Variants in LINGO2 observed in about 807,000 individuals in gnomAD.
LINGO2 encodes the protein leucine rich repeat and Ig domain containing 2.
In LINGO2, 14 loss-of-function variants were observed where a neutral mutation model predicts 30.6. The ratio of observed to expected loss-of-function variants is 0.46; its 90% confidence interval spans 0.30 to 0.72. The LOEUF is 0.72. Ranked by LOEUF, LINGO2 falls within the 30% of genes least tolerant of loss-of-function variation. The pLI is 0.07. For missense variants in LINGO2, 729 were observed against 751.7 expected (o/e 0.97, Z 0.35); for synonymous variants, 317 against 288.5 (o/e 1.10, Z -1.00).
At chr9:28,277,832 C>CA (rs1460688287) in intron 4 of LINGO2, among the ~76,000 whole-genome samples, 2 of 93,730 alleles carry the variant, frequency 2.1e-5, no homozygotes, top group African/African-American at 1.2e-4. Flanking sequence ...CAAAACAAAA[C>CA]AAAACAAAAA....
At chr9:29,061,453 C>T in the LINGO2 span, among the ~76,000 whole-genome samples, 1 of 151,742 alleles carries the variant, frequency 6.6e-6, no homozygotes, top group South Asian at 2.1e-4. Context: ...CTACAGAAAT[C>T]AAAACAGTGT....
the LINGO2 span, among the ~76,000 whole-genome samples, chr9:28,685,616 C>A: frequency 2.6e-5 from 4 of 152,104 alleles, no homozygotes; most frequent in African/African-American, 9.7e-5. Context: ...ATGGGCCAGT[C>A]ATTATTTTTG....
intron 2 of LINGO2, among the ~76,000 whole-genome samples, chr9:28,467,998 T>A (rs1172453530): frequency 1.3e-5 from 2 of 152,264 alleles, no homozygotes; most frequent in African/African-American, 2.4e-5. Context: ...TAAAAACTTT[T>A]AAAAAATAAT....
chr9:28,677,032 T>C, the LINGO2 span, among the ~76,000 whole-genome samples: 1 of 152,172 alleles, frequency 6.6e-6, no homozygotes, highest in South Asian at 2.1e-4. Context: ...TAACGGTTAC[T>C]GAATGCTTTC....
At chr9:28,259,817 G>A (rs1822504595) in intron 4 of LINGO2, among the ~76,000 whole-genome samples, 1 of 151,870 alleles carries the variant, frequency 6.6e-6, no homozygotes, top group Admixed American at 6.6e-5. Context: ...CCAAAGGATA[G>A]GGGAGTCATT....
chr9:28,508,930 G>T (rs1820260319), intron 1 of LINGO2, among the ~76,000 whole-genome samples: 1 of 152,020 alleles, frequency 6.6e-6, no homozygotes, highest in South Asian at 2.1e-4. Context: ...GAGTGGTTGT[G>T]TGAACTACTT....
the LINGO2 span, among the ~76,000 whole-genome samples, chr9:29,196,441 A>T: frequency 3.9e-5 from 6 of 152,212 alleles, no homozygotes; most frequent in Admixed American, 1.3e-4. Context: ...AATATATGCA[A>T]CTTGAAGATT....
At chr9:28,635,639 T>A (rs1182706911) in intron 1 of LINGO2, among the ~76,000 whole-genome samples, 2 of 152,152 alleles carry the variant, frequency 1.3e-5, no homozygotes, top group Non-Finnish European at 2.9e-5. Context: ...AATTAATTAC[T>A]AAATAAGGTT....
the LINGO2 span, among the ~76,000 whole-genome samples, chr9:29,032,239 C>A: frequency 5.9e-5 from 9 of 152,064 alleles, no homozygotes; most frequent in African/African-American, 2.2e-4. Flanking sequence ...AAATTGAAGA[C>A]AAAGGAAAGT....
the LINGO2 span, among the ~76,000 whole-genome samples, chr9:28,798,665 C>G: frequency 6.6e-6 from 1 of 152,084 alleles, no homozygotes; most frequent in Non-Finnish European, 1.5e-5. Context: ...TGGAACTAGT[C>G]AATTTCAACA....
intron 4 of LINGO2, among the ~76,000 whole-genome samples, chr9:28,217,659 T>C (rs1403502442): frequency 6.6e-6 from 1 of 152,090 alleles, no homozygotes; most frequent in African/African-American, 2.4e-5. Context: ...CTTTATTGCC[T>C]TGATGTCCAA....
chr9:29,135,627 A>G, the LINGO2 span, among the ~76,000 whole-genome samples: 3 of 152,154 alleles, frequency 2.0e-5, no homozygotes, highest in Non-Finnish European at 4.4e-5. Flanking sequence ...TTAGACATTT[A>G]ACTTCTTTTA....
intron 4 of LINGO2, among the ~76,000 whole-genome samples, chr9:28,089,133 A>G (rs1225464759): frequency 6.6e-6 from 1 of 152,146 alleles, no homozygotes; most frequent in South Asian, 2.1e-4. Flanking sequence ...TTAACACACC[A>G]TTGTCAACAT....
At chr9:28,789,567 T>C in the LINGO2 span, among the ~76,000 whole-genome samples, 1 of 152,192 alleles carries the variant, frequency 6.6e-6, no homozygotes, top group Non-Finnish European at 1.5e-5. Flanking sequence ...TGGGTACCTG[T>C]TGCTAGTCAG....
At chr9:28,334,597 G>A (rs796566561) in intron 3 of LINGO2, among the ~76,000 whole-genome samples, 20 of 152,158 alleles carry the variant, frequency 1.3e-4, no homozygotes, top group East Asian at 5.8e-4. Flanking sequence ...AGTGTTTTCC[G>A]TAGAGAATGG....
chr9:28,862,548 G>A, the LINGO2 span, among the ~76,000 whole-genome samples: 15 of 152,140 alleles, frequency 9.9e-5, no homozygotes, highest in South Asian at 2.3e-3. Context: ...CAACCTTATA[G>A]AGCATATGCA....
intron 4 of LINGO2, among the ~76,000 whole-genome samples, chr9:28,293,020 C>T (rs1823790968): frequency 6.6e-6 from 1 of 152,142 alleles, no homozygotes; most frequent in Non-Finnish European, 1.5e-5. Context: ...GATCCGCCTG[C>T]CTTGGCCTCC....
the LINGO2 span, among the ~76,000 whole-genome samples, chr9:28,932,148 A>AAAATAAAATAAAATAAAATG: frequency 6.7e-6 from 1 of 149,042 alleles, no homozygotes; most frequent in South Asian, 2.1e-4. Flanking sequence ...AAAATAAAAT[A>AAAATAAAATAAAATAAAATG]AAATGAAAGG....
chr9:28,624,555 G>T (rs997829643), intron 1 of LINGO2, among the ~76,000 whole-genome samples: 1 of 151,486 alleles, frequency 6.6e-6, no homozygotes, highest in African/African-American at 2.4e-5. Flanking sequence ...TAAAAGTATT[G>T]TTGAATTTGG....
Sources: gnomAD v4.1 joint callset for allele counts (sites outside exome capture counted in the v4.1 genomes callset) on GRCh38, gnomAD v4.1.1 for gene constraint, MANE v1.5 for transcripts, NCBI Gene and HGNC (gene_info 2026-07-23, HGNC 2026-07-21) for gene names.